The following SEZ6L variants were observed in gnomAD, a reference collection of about 807,000 sequenced individuals.
SEZ6L encodes seizure related 6 homolog like.
SEZ6L carries 37 observed loss-of-function variants against 106.2 expected under a neutral mutation model. That is an observed-to-expected ratio of 0.35 (90% CI 0.27 to 0.46). The LOEUF (loss-of-function observed/expected upper bound fraction) is 0.46. Among genes scored for constraint, SEZ6L ranks in the 20% least tolerant of loss-of-function variants. SEZ6L has a pLI of 1.00. For missense variants in SEZ6L, 1,172 were observed against 1,332.8 expected (o/e 0.88, Z 1.88); for synonymous variants, 541 against 570.4 (o/e 0.95, Z 0.73).
rs192730103 is a variant in SEZ6L at position 26,254,531 on chromosome 22, T to C, written c.95-37875T>C. ...ACTTTGGGAGGCCACGGCGGGAGGA[T>C]TGCTTGAACCCAGGAATTTGAGGCT... is the stretch of plus-strand genomic sequence containing the variant. On this transcript the variant is annotated intron_variant, in intron 1 of 16. Coordinates refer to ENST00000248933, the MANE Select transcript of SEZ6L (RefSeq NM_021115.5). 3.2e-3 allele frequency among the ~76,000 whole-genome samples: 484 copies of C among 152,108 alleles called. 1 individual carries two copies. The highest frequency in any genetic ancestry group is 0.011 in the African/African-American group (437 of 41,524).
intron 1 of SEZ6L, among the ~76,000 whole-genome samples, chr22:26,271,386 A>G (rs1414148320): frequency 6.6e-6 from 1 of 152,190 alleles, no homozygotes. Context: ...ACAGAAATGA[A>G]TATACACATA....
At chr22:26,297,729 C>G (rs1173242833) in intron 4 of SEZ6L, among the ~76,000 whole-genome samples, 2 of 151,070 alleles carry the variant, frequency 1.3e-5, no homozygotes. Flanking sequence ...CTCTTACTTC[C>G]TTTCTCCTTC....
At chr22:26,280,285 T>A (rs2080720468) in intron 1 of SEZ6L, among the ~76,000 whole-genome samples, 1 of 151,506 alleles carries the variant, frequency 6.6e-6, no homozygotes, top group Admixed American at 6.6e-5. Flanking sequence ...TATATATACA[T>A]ATATATGCAT....
At chr22:26,184,023 C>G (rs1264759454) in intron 1 of SEZ6L, among the ~76,000 whole-genome samples, 2 of 152,168 alleles carry the variant, frequency 1.3e-5, no homozygotes, top group East Asian at 3.9e-4. Context: ...TTTCAGCAAA[C>G]TGAGGGTCAG....
At chr22:26,316,343 G>A (rs1388303854) in intron 9 of SEZ6L, among the ~76,000 whole-genome samples, 1 of 152,216 alleles carries the variant, frequency 6.6e-6, no homozygotes, top group Admixed American at 6.5e-5. Flanking sequence ...TAGCACTGAA[G>A]ATACAGTTGT....
chr22:26,300,545 A>G (rs1355601937), intron 5 of SEZ6L, among the ~76,000 whole-genome samples: 1 of 152,220 alleles, frequency 6.6e-6, no homozygotes, highest in Non-Finnish European at 1.5e-5. Context: ...TTCTTAAACC[A>G]GTCTATCATT....
chr22:26,369,465 C>A (rs11090439), intron 13 of SEZ6L, among the ~76,000 whole-genome samples: 77,723 of 138,946 alleles, frequency 0.56, 22,751 homozygotes, highest in East Asian at 0.95. Context: ...CTCGGCCTCC[C>A]GAGTAGCTGG....
rs777492243 is a variant in SEZ6L at position 26,340,485 on chromosome 22, G to A, written c.2065G>A (p.Val689Ile). 6.2e-7 allele frequency: 1 copy of A among 1,614,028 alleles called. No individual in the cohort carries two copies. The highest frequency in any genetic ancestry group is 1.1e-5 in the South Asian group (1 of 91,048). ...DILTIYDGDEVMPHILGQYLG... is the reference protein window; with the variant it reads ...DILTIYDGDEIMPHILGQYLG... ...CTTGACCATCTACGATGGCGACGAG[G>A]TCATGCCCCACATCTTGGGGCAGTA... is the stretch of plus-strand genomic sequence containing the variant. Residue 689 changes from valine (V) to isoleucine (I), a missense_variant, in exon 10 of 17, where the codon GTC becomes ATC. Val to Ile is a conservative substitution (Grantham distance 29). Coordinates refer to ENST00000248933, the MANE Select transcript of SEZ6L (RefSeq NM_021115.5).
At chr22:26,283,436 C>A (rs192963736) in intron 1 of SEZ6L, among the ~76,000 whole-genome samples, 1,867 of 152,198 alleles carry the variant, frequency 0.012, 36 homozygotes, top group African/African-American at 0.041. Context: ...CGAAAGCCCA[C>A]GGCTTCTAAG....
chr22:26,172,954 T>G (rs1938726411), intron 1 of SEZ6L, among the ~76,000 whole-genome samples: 1 of 152,192 alleles, frequency 6.6e-6, no homozygotes, highest in African/African-American at 2.4e-5. Flanking sequence ...TTGACTGAAC[T>G]GGGCACTGGA....
intron 12 of SEZ6L, among the ~76,000 whole-genome samples, chr22:26,352,451 T>C (rs1057025365): frequency 3.3e-5 from 5 of 151,968 alleles, no homozygotes; most frequent in Admixed American, 2.6e-4. Context: ...AAAGAAAAAA[T>C]AGAATTCCTG....
intron 1 of SEZ6L, among the ~76,000 whole-genome samples, chr22:26,178,532 G>T (rs1471426091): frequency 6.6e-6 from 1 of 152,186 alleles, no homozygotes; most frequent in Non-Finnish European, 1.5e-5. Flanking sequence ...CTGGAGATTA[G>T]AACAAGGTAG....
At chr22:26,321,351 G>T (rs980585323) in intron 9 of SEZ6L, among the ~76,000 whole-genome samples, 11 of 152,226 alleles carry the variant, frequency 7.2e-5, no homozygotes, top group African/African-American at 2.7e-4. Flanking sequence ...GTGCGTCCAT[G>T]AAGTAGGACA....
intron 5 of SEZ6L, among the ~76,000 whole-genome samples, chr22:26,301,320 A>G (rs912405748): frequency 1.4e-4 from 22 of 152,210 alleles, no homozygotes; most frequent in Admixed American, 2.6e-4. Flanking sequence ...AGCCTTTCCT[A>G]TCTAGGTACT....
At chr22:26,342,327 A>G (rs369201662) in intron 10 of SEZ6L, among the ~76,000 whole-genome samples, 1 of 152,142 alleles carries the variant, frequency 6.6e-6, no homozygotes, top group East Asian at 1.9e-4. Flanking sequence ...CACCACCACT[A>G]CCACAAAAGA....
Position 26,279,512 on chromosome 22 carries a change from A to C in SEZ6L, c.95-12894A>C, listed in dbSNP as rs1335318854. ...AATAAATTCATCTCCAGTTAGAGGA[A>C]GAACATGGAATAGAGATCTGTCCAT... On this transcript the variant is annotated intron_variant, in intron 1 of 16. Coordinates refer to ENST00000248933, the MANE Select transcript of SEZ6L (RefSeq NM_021115.5). 3.3e-5 allele frequency among the ~76,000 whole-genome samples: 5 copies of C among 152,294 alleles called. No individual in the cohort carries two copies. In the East Asian group the frequency reaches 7.7e-4, roughly 24 times the overall value.
At chr22:26,295,278 G>T (rs1435955363) in intron 3 of SEZ6L, among the ~76,000 whole-genome samples, 1 of 152,144 alleles carries the variant, frequency 6.6e-6, no homozygotes, top group Admixed American at 6.5e-5. Context: ...AAATCATTTG[G>T]TCAGAGCCCA....
chr22:26,340,129 G>A (rs1451111731), intron 9 of SEZ6L, among the ~76,000 whole-genome samples: 1 of 152,104 alleles, frequency 6.6e-6, no homozygotes, highest in South Asian at 2.1e-4. Flanking sequence ...CCAGCTACTC[G>A]GGAGGCTGAG....
chr22:26,334,396 C>A (rs2082583005), intron 9 of SEZ6L, among the ~76,000 whole-genome samples: 1 of 152,202 alleles, frequency 6.6e-6, no homozygotes, highest in South Asian at 2.1e-4. Flanking sequence ...CTTTTCGTGG[C>A]TGGCTTCTTT....
Sources: allele counts gnomAD v4.1 joint callset (sites outside exome capture counted in the v4.1 genomes callset), GRCh38; gene constraint gnomAD v4.1.1; transcripts MANE v1.5; gene names NCBI Gene and HGNC (gene_info 2026-07-23, HGNC 2026-07-21).